Variants in HDX observed in about 807,000 individuals in gnomAD.
HDX encodes highly divergent homeobox.
A neutral mutation model predicts 45.2 loss-of-function variants in HDX; 19 were observed. The ratio of observed to expected loss-of-function variants is 0.42; its 90% CI spans 0.29 to 0.62. The LOEUF (loss-of-function observed/expected upper bound fraction) is 0.62, where lower values mean the gene tolerates loss of function less well. HDX is among the 20% of genes least tolerant of loss of function. The pLI is 0.20. For synonymous variants in HDX, 188 were observed against 172.8 expected (o/e 1.09, Z -0.69); for missense variants, 532 against 493.9 (o/e 1.08, Z -0.73).
intron 5 of HDX, among the ~76,000 whole-genome samples, chrX:84,411,620 A>G (rs752483423): frequency 9.0e-6 from 1 of 111,516 alleles, no homozygotes; most frequent in East Asian, 2.8e-4. Context: ...CCATGTGCAG[A>G]TGAGGAGAAT....
intron 4 of HDX, among the ~76,000 whole-genome samples, chrX:84,451,375 C>T (rs2039993294): frequency 9.0e-6 from 1 of 110,607 alleles, no homozygotes; most frequent in South Asian, 3.8e-4. Context: ...AAAAGATCAT[C>T]AGAGACTATA....
In HDX at chrX:84,437,443, AT is replaced by A. The variant is rs1445731163; in HGVS notation, c.1305+3088del. On this transcript the variant is annotated intron_variant, in intron 5 of 10. Transcript: ENST00000373177. ...TAATCATGCTTGGCTTTTTAAAAAC[AT>A]TTTGCAGGCAGTCACCAGGTTATGT... Among the ~76,000 whole-genome samples the A allele has an allele frequency of 3.6e-5, 4 of 111,117 alleles. No individual in the cohort carries two copies. In the East Asian group the frequency reaches 1.1e-3, roughly 32 times the overall value.
chrX:84,497,691 C>CTGTGTG (rs3085364), intron 1 of HDX, among the ~76,000 whole-genome samples: 16 of 103,899 alleles, frequency 1.5e-4, no homozygotes, highest in Admixed American at 1.0e-3. Context: ...TGTTATATGA[C>CTGTGTG]TGTGTGTGTG....
chrX:84,361,414 T>C, intron 6 of HDX, 52 bp downstream of exon 6: 1 of 1,114,280 alleles, frequency 9.0e-7, no homozygotes, highest in Non-Finnish European at 1.2e-6. Flanking sequence ...TTTAAAGCTT[T>C]CATTTATGCC....
At chrX:84,404,372 C>G (rs2038769744) in intron 5 of HDX, among the ~76,000 whole-genome samples, 1 of 111,596 alleles carries the variant, frequency 9.0e-6, no homozygotes. Context: ...TAGGATATTA[C>G]AGCAATGGCA....
intron 5 of HDX, among the ~76,000 whole-genome samples, chrX:84,369,840 G>T (rs1425964223): frequency 9.0e-6 from 1 of 111,706 alleles, no homozygotes; most frequent in Non-Finnish European, 1.9e-5. Context: ...ATATATTCCT[G>T]ATATTAACAT....
intron 7 of HDX, 102 bp from the exon 8 acceptor site, chrX:84,336,982 C>T (rs1024432513): frequency 1.4e-5 from 7 of 515,034 alleles, no homozygotes; most frequent in African/African-American, 4.8e-5. Flanking sequence ...TAAAAAGACA[C>T]AAATGGCAAA....
At chrX:84,326,118 T>C (rs980322586) in intron 10 of HDX, 60 bp downstream of exon 10, 3 of 1,094,636 alleles carry the variant, frequency 2.7e-6, no homozygotes, top group African/African-American at 3.6e-5. Context: ...AGAACCCAAG[T>C]GTGACATACC....
chrX:84,423,235 G>A (rs1194035759), intron 5 of HDX, among the ~76,000 whole-genome samples: 1 of 109,410 alleles, frequency 9.1e-6, no homozygotes, highest in Non-Finnish European at 1.9e-5. Context: ...CAAGTAATGA[G>A]ATCAAAGCCA....
At chrX:84,466,157 G>A (rs1821237888) in intron 4 of HDX, among the ~76,000 whole-genome samples, 1 of 112,064 alleles carries the variant, frequency 8.9e-6, no homozygotes, top group Non-Finnish European at 1.9e-5. Flanking sequence ...TGTGATAATT[G>A]TGGTCTGTGC....
intron 6 of HDX, among the ~76,000 whole-genome samples, chrX:84,349,528 TATATATATATACACA>T (rs1337632421): frequency 1.7e-4 from 16 of 96,763 alleles, no homozygotes; most frequent in Non-Finnish European, 2.9e-4. Context: ...TGTGTGTGTA[TATATATATATACACA>T]CATACATAAG....
chrX:84,331,497 A>G (rs1263651771), intron 9 of HDX, among the ~76,000 whole-genome samples: 1 of 111,810 alleles, frequency 8.9e-6, no homozygotes, highest in Non-Finnish European at 1.9e-5. Context: ...TACTGTAACT[A>G]TAGTTACAGT....
intron 4 of HDX, among the ~76,000 whole-genome samples, chrX:84,451,935 T>G (rs2040007428): frequency 9.0e-6 from 1 of 111,532 alleles, no homozygotes; most frequent in East Asian, 2.8e-4. Flanking sequence ...CCTTGTTGTC[T>G]CAATAGATGC....
intron 5 of HDX, among the ~76,000 whole-genome samples, chrX:84,377,929 C>T (rs2038095261): frequency 9.0e-6 from 1 of 111,012 alleles, no homozygotes; most frequent in African/African-American, 3.3e-5. Context: ...CTAGATATAA[C>T]CCAAAGAAGA....
At position 84,495,954 on chromosome X, in the gene HDX, A is replaced by G. The variant is rs140642423; in HGVS notation, c.-110+6388T>C. On this transcript the variant is annotated intron_variant, in intron 1 of 10. Transcript: ENST00000373177. ...TTTGTGGTGATATATTATGGCAGCA[A>G]AGAGACAACATACCATTCCCCTTGA... Among the ~76,000 whole-genome samples the G allele has an allele frequency of 3.8e-3, 429 of 111,879 alleles. 3 individuals carry two copies. Among genetic ancestry groups the G allele is most frequent in the African/African-American group, 0.013 (388 of 30,819 alleles).
chrX:84,381,110 C>T (rs961444049), intron 5 of HDX, among the ~76,000 whole-genome samples: 2 of 110,768 alleles, frequency 1.8e-5, no homozygotes, highest in Non-Finnish European at 3.8e-5. Context: ...ATCCCATTTA[C>T]AATAGCCACA....
At chrX:84,487,823 C>T (rs1279598780) in intron 2 of HDX, among the ~76,000 whole-genome samples, 2 of 112,235 alleles carry the variant, frequency 1.8e-5, no homozygotes, top group Admixed American at 9.5e-5. Context: ...CAGCATAGCT[C>T]TGCAACTGGA....
At chrX:84,346,061 T>C (rs1459540580) in intron 6 of HDX, among the ~76,000 whole-genome samples, 3 of 111,611 alleles carry the variant, frequency 2.7e-5, no homozygotes, top group African/African-American at 9.8e-5. Flanking sequence ...AGTCTGTAGC[T>C]TGAATTTTTA....
intron 5 of HDX, among the ~76,000 whole-genome samples, chrX:84,381,288 C>T (rs1261192082): frequency 2.7e-5 from 3 of 111,068 alleles, no homozygotes; most frequent in Non-Finnish European, 5.7e-5. Flanking sequence ...AAGCAATCTA[C>T]AGATTCAGTA....
Sources: gnomAD v4.1 joint callset for allele counts (sites outside exome capture counted in the v4.1 genomes callset) on GRCh38, gnomAD v4.1.1 for gene constraint, MANE v1.5 for transcripts, NCBI Gene and HGNC (gene_info 2026-07-23, HGNC 2026-07-21) for gene names.